The following TINAG variants were observed in gnomAD, a reference collection of about 807,000 sequenced individuals.
TINAG encodes the protein tubulointerstitial nephritis antigen.
A neutral mutation model predicts 72.7 loss-of-function variants in TINAG; 83 were observed. The observed-to-expected ratio is 1.14, with a 90% CI of 0.96 to 1.37. TINAG has a LOEUF of 1.37. Among genes scored for constraint, TINAG ranks in the 40% most tolerant of loss-of-function variants. The pLI is 0.00. For missense variants in TINAG, 685 were observed against 576.6 expected (o/e 1.19, Z -1.93); for synonymous variants, 234 against 189.9 (o/e 1.23, Z -1.91).
chr6:54,352,920 A>C (rs1240565568), intron 8 of TINAG, among the ~76,000 whole-genome samples: 1 of 151,898 alleles, frequency 6.6e-6, no homozygotes, highest in Non-Finnish European at 1.5e-5. Context: ...AATGCAAGTT[A>C]TTCAACATTC....
At chr6:54,329,979 C>T (rs1447558285) in intron 4 of TINAG, among the ~76,000 whole-genome samples, 2 of 151,956 alleles carry the variant, frequency 1.3e-5, no homozygotes, top group Admixed American at 6.6e-5. Context: ...AAAGCAAGTT[C>T]TTAAAGACCT....
At chr6:54,386,957 A>G (rs1184989189) in intron 10 of TINAG, among the ~76,000 whole-genome samples, 1 of 152,214 alleles carries the variant, frequency 6.6e-6, no homozygotes. Context: ...CAGTATTATA[A>G]GAAAAAGTAA....
Position 54,347,428 on chromosome 6 carries a change from T to A in TINAG, c.810T>A (p.Pro270=). 2 of 1,613,286 alleles carry A rather than the reference T, an allele frequency of 1.2e-6. No homozygotes were observed. Among genetic ancestry groups the A allele is most frequent in the African/African-American group, 1.3e-5 (1 of 74,948 alleles). ...SKGRYTANLS[P]QNLISCCAKN... Reference sequence around the variant, plus strand: ...GTCGATACACGGCCAATCTATCCCCTCAGAATTTGATCTCTTGCTGTGCCA... The same window carrying A: ...GTCGATACACGGCCAATCTATCCCCACAGAATTTGATCTCTTGCTGTGCCA... The change falls in exon 6 of 11, where the codon CCT becomes CCA. Residue 270 remains proline, a synonymous_variant. Coordinates refer to ENST00000259782, the MANE Select transcript of TINAG (RefSeq NM_014464.4).
rs138881993 is a variant in TINAG at position 54,317,149 on chromosome 6, T to C, written c.356-3430T>C. Among the ~76,000 whole-genome samples the C allele has an allele frequency of 5.7e-3, 861 of 152,268 alleles. 12 individuals are homozygous for C. Among genetic ancestry groups the C allele is most frequent in the African/African-American group, 0.02 (815 of 41,578 alleles). On this transcript the variant is annotated intron_variant, in intron 1 of 10. Transcript: ENST00000259782. The stretch of plus-strand genomic sequence containing the variant: ...ACCTACCTCCATCTGGGTTACTGCT[T>C]ACCTTGAATTGACTCCCCTTCTTGA...
Position 54,381,896 on chromosome 6 carries a change from C to T in TINAG, c.1296+1325C>T, listed in dbSNP as rs1348155120. Among the ~76,000 whole-genome samples the T allele has an allele frequency of 3.3e-5, 5 of 152,062 alleles. No individual in the cohort carries two copies. The East Asian group carries it at 9.7e-4, about 29-fold the overall frequency. On this transcript the variant is annotated intron_variant, in intron 10 of 10. Coordinates refer to ENST00000259782, the MANE Select transcript of TINAG (RefSeq NM_014464.4). ...GCATATAGCACTTGATGGCCATTTG[C>T]TGAGTGAATATGAACGAATGTGCAG...
chr6:54,348,314 T>C (rs990645252), intron 6 of TINAG, among the ~76,000 whole-genome samples: 1 of 152,162 alleles, frequency 6.6e-6, no homozygotes, highest in Non-Finnish European at 1.5e-5. Flanking sequence ...CTTGGGCTGA[T>C]ACTTTCCTTG....
chr6:54,340,355 C>A (rs1297217231), intron 4 of TINAG, among the ~76,000 whole-genome samples: 1 of 150,512 alleles, frequency 6.6e-6, no homozygotes, highest in Non-Finnish European at 1.5e-5. Context: ...GAATTTCTGT[C>A]ACTATCAGCT....
intron 9 of TINAG, among the ~76,000 whole-genome samples, chr6:54,370,353 C>T (rs1177197688): frequency 6.6e-6 from 1 of 151,942 alleles, no homozygotes; most frequent in East Asian, 1.9e-4. Flanking sequence ...CTAAGAAAAT[C>T]CTTTGGCTGT....
At chr6:54,340,636 C>T (rs939115512) in intron 4 of TINAG, among the ~76,000 whole-genome samples, 10 of 152,082 alleles carry the variant, frequency 6.6e-5, no homozygotes, top group African/African-American at 2.4e-4. Context: ...TCCTCAAATC[C>T]TAGGAGCTCA....
At chr6:54,361,860 GT>G (rs1174290620) in intron 9 of TINAG, among the ~76,000 whole-genome samples, 2 of 151,544 alleles carry the variant, frequency 1.3e-5, no homozygotes, top group African/African-American at 4.8e-5. Context: ...AATAGAAAAA[GT>G]TTTAGTGGAC....
At position 54,309,103 on chromosome 6, in the gene TINAG, T is replaced by G. The variant is rs182612713; in HGVS notation, c.355+198T>G. 3.3e-5 allele frequency among the ~76,000 whole-genome samples: 5 copies of G among 152,276 alleles called. No homozygotes were observed. In the East Asian group the frequency reaches 9.6e-4, roughly 29 times the overall value. On this transcript the variant is annotated intron_variant, in intron 1 of 10. Transcript: ENST00000259782. ...GGGTTCCTGTGTAATACAAGCACCT[T>G]CAGGAAAGTTCTGATCTGACAGTCC...
chr6:54,326,684 C>T (rs1029973213), intron 3 of TINAG, 118 bp from the exon 4 acceptor site: 10 of 656,900 alleles, frequency 1.5e-5, no homozygotes, highest in South Asian at 5.2e-5. Context: ...TGACAATTCT[C>T]ATATTGTGAG....
chr6:54,382,222 A>C (rs1438324534), intron 10 of TINAG, among the ~76,000 whole-genome samples: 2 of 152,082 alleles, frequency 1.3e-5, no homozygotes, highest in African/African-American at 2.4e-5. Flanking sequence ...TGTTGAATGC[A>C]AGCAGTAGAA....
chr6:54,335,978 A>G (rs578034444), intron 4 of TINAG, among the ~76,000 whole-genome samples: 20 of 152,058 alleles, frequency 1.3e-4, no homozygotes, highest in African/African-American at 4.8e-4. Flanking sequence ...TCGGGAAATT[A>G]TTTTCCCTGG....
At position 54,308,766 on chromosome 6, in the gene TINAG, T is replaced by C. The variant is rs1486261306; in HGVS notation, c.216T>C (p.Thr72=). 1.2e-6 allele frequency: 2 copies of C among 1,613,912 alleles called. No individual in the cohort carries two copies. The highest frequency in any genetic ancestry group is 1.7e-6 in the Non-Finnish European group (2 of 1,179,886). Reference sequence around the variant, plus strand: ...AAGACAGAGATGATGGCTGTGTCACTGAGTTCTATGCGGCGAATGCGTTGT... The same window carrying C: ...AAGACAGAGATGATGGCTGTGTCACCGAGTTCTATGCGGCGAATGCGTTGT... ...CCEDRDDGCV[T]EFYAANALCY... is the part of the protein sequence containing the mutation. The change falls in exon 1 of 11, where the codon ACT becomes ACC. Residue 72 remains threonine (T), a synonymous_variant. Transcript: ENST00000259782.
intron 2 of TINAG, 151 bp from the exon 3 acceptor site, chr6:54,321,146 A>G: frequency 1.5e-6 from 1 of 682,070 alleles, no homozygotes; most frequent in Non-Finnish European, 2.6e-6. Context: ...CGTATGTTTT[A>G]CAATTTATTT....
Position 54,354,568 on chromosome 6 carries a change from T to A in TINAG, c.1182T>A (p.His394Gln). 1 of 1,610,752 alleles carries A rather than the reference T, an allele frequency of 6.2e-7. No homozygotes were observed. The highest frequency in any genetic ancestry group is 8.5e-7 in the Non-Finnish European group (1 of 1,178,036). The change falls in exon 9 of 11, where the codon CAT becomes CAA. Residue 394 changes from histidine (H) to glutamine (Q), a missense_variant. By Grantham distance (24) the His-to-Gln change is conservative (BLOSUM62 0). Transcript: ENST00000259782. ...ATTATAAGACAGGGATATACAGACA[T>A]GTTACCAGCACAAATAAAGAATCAG... ...FFHYKTGIYR[H>Q]VTSTNKESEK...
chr6:54,326,601 T>C (rs1447944636), intron 3 of TINAG, among the ~76,000 whole-genome samples: 1 of 152,160 alleles, frequency 6.6e-6, no homozygotes, highest in African/African-American at 2.4e-5. Context: ...GGACCTTATT[T>C]AGGAAGAGTA....
intron 10 of TINAG, among the ~76,000 whole-genome samples, chr6:54,388,814 TA>T (rs564930939): frequency 2.7e-5 from 4 of 147,818 alleles, no homozygotes; most frequent in Non-Finnish European, 6.0e-5. Flanking sequence ...AAAGAGGAAT[TA>T]AAAAAAAAAC....
Sources: allele counts gnomAD v4.1 joint callset (sites outside exome capture counted in the v4.1 genomes callset), GRCh38; gene constraint gnomAD v4.1.1; transcripts MANE v1.5; gene names NCBI Gene and HGNC (gene_info 2026-07-23, HGNC 2026-07-21).